RBFOX1: variants seen among roughly 807,000 people sequenced by gnomAD.
RBFOX1 encodes RNA binding fox-1 homolog 1.
Under a neutral mutation model 57.7 loss-of-function variants are expected in RBFOX1, and 8 were observed. That is an observed-to-expected ratio of 0.14 (90% CI 0.08 to 0.25). The LOEUF is 0.25. Among genes scored for constraint, RBFOX1 ranks in the 10% least tolerant of loss-of-function variants. The pLI is 1.00. For synonymous variants in RBFOX1, 326 were observed against 222.4 expected, an observed-to-expected ratio of 1.47 and a Z score of -4.15; for missense variants, 611 against 548.5, an observed-to-expected ratio of 1.11 and a Z score of -1.14.
intron 1 of RBFOX1, among the ~76,000 whole-genome samples, chr16:6,126,303 G>T (rs565188569): frequency 2.6e-5 from 4 of 152,210 alleles, no homozygotes; most frequent in Non-Finnish European, 5.9e-5. Flanking sequence ...GTTGGTGTTA[G>T]CCCTCTCTTA....
chr16:6,198,421 G>A (rs1002274567), intron 1 of RBFOX1, among the ~76,000 whole-genome samples: 4 of 152,100 alleles, frequency 2.6e-5, no homozygotes, highest in African/African-American at 9.7e-5. Context: ...TGAAGCCCAC[G>A]GGAGACCTTC....
intron 3 of RBFOX1, among the ~76,000 whole-genome samples, chr16:5,613,581 G>T (rs1012705442): frequency 2.0e-5 from 3 of 152,196 alleles, no homozygotes; most frequent in Non-Finnish European, 4.4e-5. Flanking sequence ...AGCTGATAAA[G>T]ACGCCAGCAT....
intron 2 of RBFOX1, among the ~76,000 whole-genome samples, chr16:6,582,988 T>C (rs2097558317): frequency 6.6e-6 from 1 of 151,146 alleles, no homozygotes; most frequent in Non-Finnish European, 1.5e-5. Flanking sequence ...ACCTCCCTCT[T>C]CCTCACTCTT....
intron 4 of RBFOX1, among the ~76,000 whole-genome samples, chr16:7,464,388 C>T (rs75416648): frequency 0.03 from 4,514 of 152,034 alleles, 227 homozygotes; most frequent in African/African-American, 0.1. Flanking sequence ...GTAAAACAGT[C>T]GCATCCAAGA....
chr16:6,894,162 CTCTTG>C (rs1486570300), intron 3 of RBFOX1, among the ~76,000 whole-genome samples: 2 of 152,202 alleles, frequency 1.3e-5, no homozygotes, highest in Non-Finnish European at 1.5e-5. Context: ...TGCTACCTAT[CTCTTG>C]TCTGTCTGTC....
intron 14 of RBFOX1, among the ~76,000 whole-genome samples, chr16:7,707,624 C>T (rs766056999): frequency 2.6e-5 from 4 of 152,120 alleles, no homozygotes; most frequent in African/African-American, 9.7e-5. Context: ...GTTCCCTTCT[C>T]CAGAAAATTG....
intron 3 of RBFOX1, among the ~76,000 whole-genome samples, chr16:5,779,197 C>G (rs532169062): frequency 2.6e-5 from 4 of 152,186 alleles, no homozygotes; most frequent in East Asian, 1.9e-4. Flanking sequence ...TTCCTTCCCC[C>G]CTCACGTCGT....
intron 4 of RBFOX1, among the ~76,000 whole-genome samples, chr16:7,052,725 C>T (rs2346243): frequency 0.093 from 14,154 of 152,202 alleles, 949 homozygotes; most frequent in Non-Finnish European, 0.14. Context: ...AGCTTGGTGA[C>T]ATTGTTCTGC....
At chr16:7,208,985 G>T (rs1025128982) in intron 4 of RBFOX1, among the ~76,000 whole-genome samples, 3 of 151,870 alleles carry the variant, frequency 2.0e-5, no homozygotes, top group Non-Finnish European at 4.4e-5. Context: ...TTCCCTCTAT[G>T]CATGTCTGTG....
chr16:7,433,472 G>A (rs188151861), intron 4 of RBFOX1, among the ~76,000 whole-genome samples: 35 of 152,338 alleles, frequency 2.3e-4, no homozygotes, highest in African/African-American at 7.9e-4. Flanking sequence ...ATACAAAACA[G>A]TGGACTGAGT....
intron 2 of RBFOX1, among the ~76,000 whole-genome samples, chr16:5,536,140 C>G (rs1186356289): frequency 1.4e-5 from 2 of 145,020 alleles, no homozygotes; most frequent in East Asian, 2.1e-4. Context: ...GTTCTTACCT[C>G]AACTTATTTC....
At chr16:6,506,757 A>C (rs1015543253) in intron 2 of RBFOX1, among the ~76,000 whole-genome samples, 13 of 147,746 alleles carry the variant, frequency 8.8e-5, no homozygotes, top group Non-Finnish European at 1.8e-4. Context: ...GGTGATTCTC[A>C]GGCCTTACCC....
intron 2 of RBFOX1, among the ~76,000 whole-genome samples, chr16:6,530,217 A>AGATTT (rs1432276499): frequency 1.3e-5 from 2 of 151,952 alleles, no homozygotes; most frequent in African/African-American, 4.8e-5. Flanking sequence ...CCGGCCCTCT[A>AGATTT]GATCTGATGG....
chr16:7,655,044 C>T (rs1385810608), intron 12 of RBFOX1, among the ~76,000 whole-genome samples: 1 of 152,112 alleles, frequency 6.6e-6, no homozygotes, highest in African/African-American at 2.4e-5. Context: ...GCATTTAAGA[C>T]TGTGTGAAAA....
rs35193396 is a variant in RBFOX1, at chr16:5,886,777, A to C, written c.351+19442A>C. 9.0e-3 allele frequency among the ~76,000 whole-genome samples: 1,373 copies of C among 152,314 alleles called. 16 individuals are homozygous for C. Among genetic ancestry groups the C allele is most frequent in the Middle Eastern group, 0.041 (12 of 294 alleles). ...GTGGCAGATGCCTGTAATCCCAGCT[A>C]CTTGGGAGGCTGAGGCAGGGGAATC... On this transcript the variant is annotated intron_variant, in intron 4 of 19. Coordinates refer to the RBFOX1 transcript ENST00000641259.
intron 3 of RBFOX1, among the ~76,000 whole-genome samples, chr16:6,963,856 G>A (rs1270595594): frequency 2.6e-5 from 4 of 151,378 alleles, no homozygotes; most frequent in East Asian, 2.0e-4. Flanking sequence ...ACACCACCAC[G>A]CCTGGCTAAT....
At chr16:5,254,888 C>T (rs2062544650) in intron 1 of RBFOX1, among the ~76,000 whole-genome samples, 1 of 152,098 alleles carries the variant, frequency 6.6e-6, no homozygotes, top group African/African-American at 2.4e-5. Context: ...AGAGGGTGAG[C>T]CTTTTGGGGT....
chr16:6,450,428 G>A (rs1357556371), intron 2 of RBFOX1, among the ~76,000 whole-genome samples: 1 of 151,714 alleles, frequency 6.6e-6, no homozygotes, highest in Non-Finnish European at 1.5e-5. Context: ...TTATTTATTG[G>A]TTTATTTTCA....
At chr16:6,448,246 C>T (rs1273328105) in intron 2 of RBFOX1, among the ~76,000 whole-genome samples, 3 of 140,414 alleles carry the variant, frequency 2.1e-5, no homozygotes, top group Non-Finnish European at 1.5e-5. Flanking sequence ...TGCAATCTCC[C>T]CCTCCTGGGT....
Sources: allele counts gnomAD v4.1 joint callset (sites outside exome capture counted in the v4.1 genomes callset), GRCh38; gene constraint gnomAD v4.1.1; transcripts MANE v1.5; gene names NCBI Gene and HGNC (gene_info 2026-07-23, HGNC 2026-07-21).